The following ARID4A variants were observed in gnomAD, a reference collection of about 807,000 sequenced individuals.
ARID4A encodes the protein AT-rich interaction domain 4A.
Under a neutral mutation model 148.6 loss-of-function variants are expected in ARID4A, and 39 were observed. The observed-to-expected ratio is 0.26, with a 90% CI of 0.20 to 0.34. The LOEUF is 0.34. Ranked by LOEUF, ARID4A falls within the 10% of genes least tolerant of loss-of-function variation. The probability of loss-of-function intolerance (pLI) is 1.00; values close to 1 mark genes in which losing one functional copy is unlikely to be tolerated. For missense variants in ARID4A, 1,265 were observed against 1,449.1 expected (o/e 0.87, Z 2.06); for synonymous variants, 475 against 481.2 (o/e 0.99, Z 0.17).
At chr14:58,341,321 A>G (rs2034107721) in intron 11 of ARID4A, among the ~76,000 whole-genome samples, 1 of 152,210 alleles carries the variant, frequency 6.6e-6, no homozygotes, top group African/African-American at 2.4e-5. Flanking sequence ...TTAGCATACT[A>G]TTACAAAGTC....
intron 11 of ARID4A, among the ~76,000 whole-genome samples, chr14:58,337,324 GT>G (rs906691253): frequency 7.0e-6 from 1 of 143,072 alleles, no homozygotes; most frequent in African/African-American, 2.6e-5. Context: ...TTAAGAAAAT[GT>G]TCTCTCCTCC....
intron 16 of ARID4A, among the ~76,000 whole-genome samples, chr14:58,352,319 G>A (rs1361463612): frequency 1.3e-5 from 2 of 152,094 alleles, no homozygotes; most frequent in Admixed American, 6.5e-5. Flanking sequence ...AAAAAGTTCT[G>A]TAATGAAATA....
At position 58,351,143 on chromosome 14, in the gene ARID4A, A is replaced by G; in HGVS notation, c.1475A>G (p.Lys492Arg). The G allele has an allele frequency of 6.2e-7, 1 of 1,607,114 alleles. No homozygotes were observed. Among genetic ancestry groups the G allele is most frequent in the Non-Finnish European group, 8.5e-7 (1 of 1,178,288 alleles). The change falls in exon 16 of 24, where the codon AAA becomes AGA. Residue 492 changes from lysine (K) to arginine (R), a missense_variant. Transcript: ENST00000355431. ...ATTGAAGAAGAGAAAACAGAAGACAAATTAAAAGATAATGATACAGAAAAT... is the reference window on the plus strand; with the variant it reads ...ATTGAAGAAGAGAAAACAGAAGACAGATTAAAAGATAATGATACAGAAAAT... ...KEIEEEKTED[K>R]LKDNDTENKD...
chr14:58,359,460 G>A (rs1686242960), intron 18 of ARID4A, among the ~76,000 whole-genome samples: 1 of 152,074 alleles, frequency 6.6e-6, no homozygotes, highest in Non-Finnish European at 1.5e-5. Context: ...GTCACTCAGA[G>A]TCCATCGTTT....
chr14:58,354,358 C>T (rs780451028), intron 17 of ARID4A, among the ~76,000 whole-genome samples: 2 of 152,094 alleles, frequency 1.3e-5, no homozygotes, highest in Non-Finnish European at 2.9e-5. Flanking sequence ...TTAGAACTTA[C>T]ATTTGATCTT....
intron 17 of ARID4A, among the ~76,000 whole-genome samples, chr14:58,358,324 G>A (rs778263973): frequency 5.9e-5 from 9 of 151,904 alleles, no homozygotes; most frequent in Admixed American, 1.3e-4. Context: ...AAAAATTAGC[G>A]GGGTGTGGTG....
intron 14 of ARID4A, 120 bp downstream of exon 14, chr14:58,347,237 GT>G: frequency 3.7e-6 from 2 of 534,990 alleles, no homozygotes; most frequent in Non-Finnish European, 6.0e-6. Context: ...ATATAAAAAG[GT>G]TTAGGTTGAC....
intron 10 of ARID4A, among the ~76,000 whole-genome samples, 178 bp from the exon 11 acceptor site, chr14:58,329,825 A>G (rs1838664334): frequency 6.6e-6 from 1 of 152,164 alleles, no homozygotes; most frequent in African/African-American, 2.4e-5. Context: ...TATTCCGTAA[A>G]GTAATAACAA....
chr14:58,331,094 T>C lies in ARID4A; in HGVS notation c.906+925T>C, dbSNP rs566098603. On this transcript the variant is annotated intron_variant, in intron 11 of 23. Transcript: ENST00000355431. ...TTATGAAATGAAACGAGTATAGTCA[T>C]ATGTAATGAAGGGCATACGCTATTT... Among the ~76,000 whole-genome samples, 29 of 152,334 alleles carry C rather than the reference T, an allele frequency of 1.9e-4. 3 individuals carry two copies. In the South Asian group the frequency reaches 6.0e-3, roughly 32 times the overall value.
chr14:58,325,350 C>T (rs1410148831), intron 8 of ARID4A, among the ~76,000 whole-genome samples: 3 of 152,192 alleles, frequency 2.0e-5, no homozygotes, highest in East Asian at 1.9e-4. Flanking sequence ...GGTGTGATCA[C>T]GGCTCACTGC....
At position 58,317,790 on chromosome 14, in the gene ARID4A, G is replaced by T. The variant is rs987460301; in HGVS notation, c.275-752G>T. 2.0e-5 allele frequency among the ~76,000 whole-genome samples: 3 copies of T among 151,494 alleles called. No homozygotes were observed. The East Asian group carries it at 5.8e-4, about 29-fold the overall frequency. On this transcript the variant is annotated intron_variant, in intron 5 of 23. Coordinates refer to ENST00000355431, the MANE Select transcript of ARID4A (RefSeq NM_002892.4). ...TGGGACCACAGGCATGAGCCACCAC[G>T]CCTGCCCTACAAACTTTTATCTTTC...
chr14:58,354,344 A>G (rs547962900), intron 17 of ARID4A, among the ~76,000 whole-genome samples: 1 of 152,206 alleles, frequency 6.6e-6, no homozygotes, highest in Non-Finnish European at 1.5e-5. Flanking sequence ...AATAAAAAAG[A>G]ACGTTAGAAC....
intron 11 of ARID4A, among the ~76,000 whole-genome samples, chr14:58,343,878 G>C (rs1235122927): frequency 1.3e-5 from 2 of 151,850 alleles, no homozygotes; most frequent in Non-Finnish European, 2.9e-5. Flanking sequence ...GAACAGAGGA[G>C]AGTAATACTC....
chr14:58,347,539 AT>A (rs1566706697), intron 14 of ARID4A, 107 bp from the exon 15 acceptor site: 3 of 854,856 alleles, frequency 3.5e-6, no homozygotes, highest in Non-Finnish European at 5.1e-6. Flanking sequence ...AGTAACAAAA[AT>A]TTTTTTAAAT....
rs1347007695 is a variant in ARID4A at position 58,306,330 on chromosome 14, G to T, written c.274+218G>T. On this transcript the variant is annotated intron_variant, in intron 5 of 23. Transcript: ENST00000355431. ...ACTTTTGTCTATTTCATCCAAAAATGTACTTCTATTTTAGGTTACTTTGAT... is the reference window on the plus strand; with the variant it reads ...ACTTTTGTCTATTTCATCCAAAAATTTACTTCTATTTTAGGTTACTTTGAT... 2.6e-5 allele frequency among the ~76,000 whole-genome samples: 4 copies of T among 152,258 alleles called. No homozygotes were observed. In the East Asian group the frequency reaches 7.7e-4, roughly 29 times the overall value.
intron 5 of ARID4A, among the ~76,000 whole-genome samples, chr14:58,316,512 A>G (rs1474748251): frequency 1.2e-4 from 18 of 152,352 alleles, no homozygotes; most frequent in Non-Finnish European, 1.0e-4. Context: ...GGAGAATATT[A>G]GGGATAAATT....
intron 11 of ARID4A, among the ~76,000 whole-genome samples, chr14:58,337,866 G>C (rs563597868): frequency 6.6e-6 from 1 of 152,212 alleles, no homozygotes; most frequent in South Asian, 2.1e-4. Context: ...CCCTTTATTG[G>C]CTTTCAGCAC....
intron 23 of ARID4A, among the ~76,000 whole-genome samples, chr14:58,369,723 A>G (rs745563301): frequency 7.0e-4 from 106 of 152,270 alleles, no homozygotes; most frequent in African/African-American, 1.9e-3. Flanking sequence ...CGATTTCTCA[A>G]TGGTAGTACT....
chr14:58,348,201 C>T (rs1343551757), intron 15 of ARID4A, among the ~76,000 whole-genome samples: 2 of 152,172 alleles, frequency 1.3e-5, no homozygotes, highest in Non-Finnish European at 2.9e-5. Context: ...AACCTGCCTC[C>T]TCTCTTTGGA....
Sources: allele counts gnomAD v4.1 joint callset (sites outside exome capture counted in the v4.1 genomes callset), GRCh38; gene constraint gnomAD v4.1.1; transcripts MANE v1.5; gene names NCBI Gene and HGNC (gene_info 2026-07-23, HGNC 2026-07-21).